The following TMOD2 variants were observed in gnomAD, a reference collection of about 807,000 sequenced individuals.
TMOD2 encodes tropomodulin 2.
TMOD2 carries 22 observed loss-of-function variants against 39.9 expected under a neutral mutation model. The ratio of observed to expected loss-of-function variants is 0.55; its 90% CI spans 0.39 to 0.79. The LOEUF is 0.79. Ranked by LOEUF, TMOD2 falls within the 30% of genes least tolerant of loss-of-function variation. The pLI, the probability that TMOD2 is intolerant of heterozygous loss-of-function variation, is 0.00. For synonymous variants in TMOD2, 123 were observed against 146.1 expected (o/e 0.84, Z 1.14); for missense variants, 386 against 413.3 (o/e 0.93, Z 0.57).
intron 1 of TMOD2, among the ~76,000 whole-genome samples, chr15:51,755,499 T>C (rs1166859023): frequency 6.6e-6 from 1 of 151,958 alleles, no homozygotes. Flanking sequence ...GCTCACAAAA[T>C]AGGGCACAAG....
chr15:51,803,166 T>G (rs2141643272), intron 8 of TMOD2, among the ~76,000 whole-genome samples: 1 of 114,584 alleles, frequency 8.7e-6, no homozygotes, highest in East Asian at 3.1e-4. Context: ...TCTCTATATC[T>G]TCTTTTTTTT....
chr15:51,776,039 A>C (rs980309224), intron 4 of TMOD2, among the ~76,000 whole-genome samples: 3 of 152,198 alleles, frequency 2.0e-5, no homozygotes, highest in African/African-American at 7.2e-5. Context: ...CCCAAGTCAC[A>C]CAGTTTAACG....
At chr15:51,784,915 A>G (rs1180717040) in intron 7 of TMOD2, 1 of 152,218 alleles carries the variant, frequency 6.6e-6, no homozygotes, top group African/African-American at 2.4e-5. Context: ...ACTGGTAAAT[A>G]ATCTAACTCC....
chr15:51,813,002 A>T lies in TMOD2; in HGVS notation c.*4548A>T, dbSNP rs2056166013. 1 of 152,234 alleles carries T rather than the reference A, an allele frequency of 6.6e-6. No homozygotes were observed. The highest frequency in any genetic ancestry group is 6.5e-5 in the Admixed American group (1 of 15,274). The allele number at this position is 152,234 out of a possible 1,614,324, so 9.4% of individuals were successfully genotyped here. On this transcript the variant is annotated 3_prime_UTR_variant, in exon 10 of 10. Transcript: ENST00000249700. Reference sequence around the variant, plus strand: ...AGCATCCAGCTGAGCCCACTGGATGAAAATCAGACGATAGGGCCTCCTGTT... The same window carrying T: ...AGCATCCAGCTGAGCCCACTGGATGTAAATCAGACGATAGGGCCTCCTGTT...
At chr15:51,804,275 G>A (rs1182430101) in intron 8 of TMOD2, among the ~76,000 whole-genome samples, 1 of 152,184 alleles carries the variant, frequency 6.6e-6, no homozygotes, top group Admixed American at 6.5e-5. Flanking sequence ...TCTTTATATG[G>A]ATGAGGTAAA....
At chr15:51,779,481 T>C (rs1280607295) in intron 5 of TMOD2, among the ~76,000 whole-genome samples, 6 of 151,030 alleles carry the variant, frequency 4.0e-5, no homozygotes, top group Admixed American at 4.0e-4. Context: ...CCCGGGTTCA[T>C]GCCATTCTTC....
At chr15:51,787,503 C>T (rs2055978940) in intron 7 of TMOD2, among the ~76,000 whole-genome samples, 1 of 152,254 alleles carries the variant, frequency 6.6e-6, no homozygotes, top group African/African-American at 2.4e-5. Flanking sequence ...AGCAGTGCTT[C>T]TCCCAGCATG....
intron 1 of TMOD2, among the ~76,000 whole-genome samples, chr15:51,754,060 CG>C (rs749433359): frequency 1.1e-3 from 168 of 150,764 alleles, no homozygotes; most frequent in Admixed American, 3.2e-3. Context: ...GTGGGGGGGA[CG>C]GGGGGTTGGT....
In TMOD2 at chr15:51,776,920, G is replaced by C. The variant is rs1034956596; in HGVS notation, c.407-12G>C. 5.6e-6 allele frequency: 9 copies of C among 1,611,606 alleles called. No homozygotes were observed. The highest frequency in any genetic ancestry group is 7.6e-6 in the Non-Finnish European group (9 of 1,178,064). On this transcript the variant is annotated splice_polypyrimidine_tract_variant and intron_variant, in intron 4 of 9. Coordinates refer to ENST00000249700, the MANE Select transcript of TMOD2 (RefSeq NM_014548.4). ...TCTCCAAACTTAATGCTCATTTGTT[G>C]ACTGTTTTTAGCTGTCCTTGGAGTA...
In TMOD2 at chr15:51,781,194, A is replaced by G. The variant is rs770653091; in HGVS notation, c.624+20A>G. 1.9e-6 allele frequency: 3 copies of G among 1,582,120 alleles called. No individual in the cohort carries two copies. Among genetic ancestry groups the G allele is most frequent in the South Asian group, 2.3e-5 (2 of 85,346 alleles). On this transcript the variant is annotated intron_variant, in intron 6 of 9. Transcript: ENST00000249700. ...ATTAAGGTATTTCATTGTGATTATC[A>G]TCAGTCAGTTAATTTATCATGAGGT...
chr15:51,792,791 A>G (rs2056021596), intron 7 of TMOD2, among the ~76,000 whole-genome samples: 5 of 152,092 alleles, frequency 3.3e-5, no homozygotes, highest in Admixed American at 2.6e-4. Context: ...GCATGTTCTC[A>G]CTCATAAGTG....
intron 7 of TMOD2, chr15:51,784,240 A>G (rs910501927): frequency 2.0e-5 from 3 of 152,248 alleles, no homozygotes; most frequent in Non-Finnish European, 4.4e-5. Context: ...TACATTTGCT[A>G]AAATATGTCA....
intron 7 of TMOD2, chr15:51,783,994 G>C (rs935922736): frequency 6.6e-6 from 1 of 152,134 alleles, no homozygotes; most frequent in African/African-American, 2.4e-5. Context: ...ACTGATCTTC[G>C]TGCTTTCCAT....
chr15:51,795,475 G>C lies in TMOD2; in HGVS notation c.733-2722G>C, dbSNP rs115252444. Among the ~76,000 whole-genome samples, 1,396 of 150,816 alleles carry C rather than the reference G, an allele frequency of 9.3e-3. 21 individuals are homozygous for C. The highest frequency in any genetic ancestry group is 0.033 in the African/African-American group (1,345 of 41,164). Reference sequence around the variant, plus strand: ...TTTTATTCATTCTGCTGAGTGTCTAGTTATTTCCTTCAGATAAAGATCCGT... The same window carrying C: ...TTTTATTCATTCTGCTGAGTGTCTACTTATTTCCTTCAGATAAAGATCCGT... On this transcript the variant is annotated intron_variant, in intron 7 of 9. Transcript: ENST00000249700.
chr15:51,803,258 G>T (rs1449981821), intron 8 of TMOD2, among the ~76,000 whole-genome samples: 1 of 143,798 alleles, frequency 7.0e-6, no homozygotes, highest in African/African-American at 2.6e-5. Context: ...TCGGCTCACT[G>T]CAACCTCCGC....
chr15:51,800,116 A>G (rs2056078157), intron 8 of TMOD2, among the ~76,000 whole-genome samples: 1 of 152,258 alleles, frequency 6.6e-6, no homozygotes, highest in Non-Finnish European at 1.5e-5. Context: ...GTTTATCAGA[A>G]AGTCAAACTT....
intron 7 of TMOD2, among the ~76,000 whole-genome samples, chr15:51,788,747 C>T (rs1308718349): frequency 6.6e-6 from 1 of 152,286 alleles, no homozygotes; most frequent in Non-Finnish European, 1.5e-5. Context: ...ATTTCATATC[C>T]AGCCAAACTA....
intron 7 of TMOD2, among the ~76,000 whole-genome samples, chr15:51,797,157 T>C (rs947301721): frequency 6.6e-6 from 1 of 152,236 alleles, no homozygotes; most frequent in African/African-American, 2.4e-5. Flanking sequence ...CAGGGAATAC[T>C]GTACTTCATT....
chr15:51,783,109 G>C lies in TMOD2; in HGVS notation c.732+281G>C, dbSNP rs547561328. 5.3e-5 allele frequency: 19 copies of C among 359,554 alleles called. No homozygotes were observed. The South Asian group carries it at 5.3e-4, about 10-fold the overall frequency. The allele number at this position is 359,554 out of a possible 1,614,324, so 22.3% of individuals were successfully genotyped here. On this transcript the variant is annotated intron_variant, in intron 7 of 9. Transcript: ENST00000249700. ...ATATTTAGAGTTTGCTCTGTGCTTA[G>C]GATACATTTTCTAAAACTTTCACAT...
Sources: allele counts gnomAD v4.1 joint callset (sites outside exome capture counted in the v4.1 genomes callset), GRCh38; gene constraint gnomAD v4.1.1; transcripts MANE v1.5; gene names NCBI Gene and HGNC (gene_info 2026-07-23, HGNC 2026-07-21).